Variants in PLCB4 observed in about 807,000 individuals in gnomAD.
PLCB4 encodes the protein phospholipase C beta 4.
A neutral mutation model predicts 178.8 loss-of-function variants in PLCB4; 77 were observed. The observed-to-expected ratio is 0.43, with a 90% confidence interval of 0.36 to 0.52. PLCB4 has a LOEUF of 0.52. Among genes scored for constraint, PLCB4 ranks in the 20% least tolerant of loss-of-function variants. PLCB4 has a pLI of 0.00. For synonymous variants in PLCB4, 496 were observed against 490.8 expected, an observed-to-expected ratio of 1.01 and a Z score of -0.14; for missense variants, 1,024 against 1,453.4, an observed-to-expected ratio of 0.70 and a Z score of 4.80.
At chr20:9,184,967 G>A (rs1166604138) in intron 2 of PLCB4, among the ~76,000 whole-genome samples, 1 of 152,120 alleles carries the variant, frequency 6.6e-6, no homozygotes, top group South Asian at 2.1e-4. Flanking sequence ...CAGCCACCCC[G>A]GCTGGAGTGC....
intron 2 of PLCB4, among the ~76,000 whole-genome samples, chr20:9,167,574 A>G (rs1450604157): frequency 6.6e-6 from 1 of 152,212 alleles, no homozygotes; most frequent in Non-Finnish European, 1.5e-5. Context: ...TGGAAAGTTA[A>G]TGAGCCATTA....
intron 7 of PLCB4, among the ~76,000 whole-genome samples, chr20:9,348,831 T>G (rs569416530): frequency 6.6e-6 from 1 of 152,294 alleles, no homozygotes; most frequent in South Asian, 2.1e-4. Context: ...TCAGTGAAGT[T>G]ATTTCTTTGG....
rs533140398 is a variant in PLCB4 at position 9,478,148 on chromosome 20, A to G, written c.3533-773A>G. 1.7e-4 allele frequency among the ~76,000 whole-genome samples: 26 copies of G among 152,278 alleles called. No homozygotes were observed. In the South Asian group the frequency reaches 5.4e-3, roughly 32 times the overall value. ...GAAATGTACTATTTGATTTTTTCCT[A>G]TGTTTCCAAGCAAGTATTTCTCACC... On this transcript the variant is annotated intron_variant, in intron 39 of 39. Coordinates refer to ENST00000378473, the MANE Select transcript of PLCB4 (RefSeq NM_001377142.1).
At position 9,421,544 on chromosome 20, in the gene PLCB4, C is replaced by T. The variant is rs896508978; in HGVS notation, c.2319+83C>T. On this transcript the variant is annotated intron_variant, in intron 27 of 39. Transcript: ENST00000378473. ...TCACAGACGCTACACGATACAGGGG[C>T]ACTTATTCAACCGACAACATCTTCT... is the stretch of plus-strand genomic sequence containing the variant. The T allele has an allele frequency of 2.8e-6, 3 of 1,060,838 alleles. No individual in the cohort carries two copies. In the African/African-American group the frequency reaches 4.7e-5, roughly 17 times the overall value. 65.7% of individuals were successfully genotyped at this position (1,060,838 alleles called of 1,614,324 possible). A position where few individuals can be genotyped will look rare whatever the true frequency, so the allele number is the denominator to read the frequency against.
intron 3 of PLCB4, among the ~76,000 whole-genome samples, chr20:9,285,412 G>A (rs2094528637): frequency 6.6e-6 from 1 of 151,768 alleles, no homozygotes; most frequent in Non-Finnish European, 1.5e-5. Flanking sequence ...GTAAATAAAG[G>A]CTGATTTACT....
At chr20:9,443,123 AT>A (rs2042211829) in intron 30 of PLCB4, among the ~76,000 whole-genome samples, 2 of 152,132 alleles carry the variant, frequency 1.3e-5, no homozygotes, top group Non-Finnish European at 2.9e-5. Flanking sequence ...GACTTAGTGT[AT>A]TACCCTAGCT....
intron 12 of PLCB4, among the ~76,000 whole-genome samples, chr20:9,375,368 A>G (rs2036582069): frequency 6.6e-6 from 1 of 152,174 alleles, no homozygotes; most frequent in African/African-American, 2.4e-5. Flanking sequence ...AATTACTCCA[A>G]GAGTTTAAAC....
chr20:9,428,318 C>G (rs1242705776), intron 28 of PLCB4, among the ~76,000 whole-genome samples: 1 of 152,118 alleles, frequency 6.6e-6, no homozygotes, highest in African/African-American at 2.4e-5. Context: ...TTCTGTACTA[C>G]AGAAAATATT....
At chr20:9,214,378 T>C (rs2093705700) in intron 2 of PLCB4, among the ~76,000 whole-genome samples, 1 of 152,218 alleles carries the variant, frequency 6.6e-6, no homozygotes. Flanking sequence ...CCTGGCACCG[T>C]GTGTTGAATA....
At position 9,476,449 on chromosome 20, in the gene PLCB4, A is replaced by G. The variant is rs140016511; in HGVS notation, c.3496-268A>G. On this transcript the variant is annotated intron_variant, in intron 38 of 39. Transcript: ENST00000378473. ...TAAAGAGAGGTAAAAGGTTTTGCTT[A>G]AAGGCCAGGTTCTCCACTTACTGCC... 4.0e-3 allele frequency among the ~76,000 whole-genome samples: 612 copies of G among 152,322 alleles called. 2 individuals carry two copies. Among genetic ancestry groups the G allele is most frequent in the Admixed American group, 7.7e-3 (118 of 15,296 alleles).
At chr20:9,253,517 T>A (rs1214609349) in intron 3 of PLCB4, among the ~76,000 whole-genome samples, 1 of 152,166 alleles carries the variant, frequency 6.6e-6, no homozygotes, top group Non-Finnish European at 1.5e-5. Flanking sequence ...GGGTTTCCCT[T>A]CCCTGTTGCC....
chr20:9,317,161 A>G (rs533919663), intron 4 of PLCB4, among the ~76,000 whole-genome samples: 1 of 152,362 alleles, frequency 6.6e-6, no homozygotes, highest in African/African-American at 2.4e-5. Flanking sequence ...TGCCACATAG[A>G]AATGAGTAAC....
chr20:9,331,248 A>C (rs1402738576), intron 4 of PLCB4, among the ~76,000 whole-genome samples: 1 of 152,178 alleles, frequency 6.6e-6, no homozygotes, highest in Admixed American at 6.6e-5. Context: ...ACATTTCTCT[A>C]CGTCCTAATG....
intron 2 of PLCB4, among the ~76,000 whole-genome samples, chr20:9,168,634 C>T (rs186157069): frequency 2.6e-5 from 4 of 152,296 alleles, no homozygotes; most frequent in East Asian, 1.9e-4. Flanking sequence ...CTTTGACTAG[C>T]GAGGAGCTAC....
chr20:9,274,266 C>T (rs1249878314), intron 3 of PLCB4, among the ~76,000 whole-genome samples: 1 of 151,984 alleles, frequency 6.6e-6, no homozygotes, highest in Non-Finnish European at 1.5e-5. Context: ...TTTGACTTTC[C>T]TTTCTAATGC....
chr20:9,387,114 C>G (rs2037740264), intron 14 of PLCB4, among the ~76,000 whole-genome samples: 1 of 151,948 alleles, frequency 6.6e-6, no homozygotes, highest in Admixed American at 6.6e-5. Context: ...CCAGGCTGGT[C>G]TCCAACTCCT....
At chr20:9,119,947 G>A (rs2091902442) in intron 2 of PLCB4, among the ~76,000 whole-genome samples, 1 of 152,180 alleles carries the variant, frequency 6.6e-6, no homozygotes, top group Non-Finnish European at 1.5e-5. Context: ...TAAGAAGCCG[G>A]GAGTGTGTTT....
In PLCB4 at chr20:9,185,480, G is replaced by A. The variant is rs543843187; in HGVS notation, c.-78-31910G>A. Among the ~76,000 whole-genome samples the A allele has an allele frequency of 6.6e-5, 10 of 152,090 alleles. No individual in the cohort carries two copies. The East Asian group carries it at 7.8e-4, about 12-fold the overall frequency. ...TCACTAATTCCCTTGCTGCCATCCTGGCCTGAGCCAGGTTCTCTTTCACCT... is the reference window on the plus strand; with the variant it reads ...TCACTAATTCCCTTGCTGCCATCCTAGCCTGAGCCAGGTTCTCTTTCACCT... On this transcript the variant is annotated intron_variant, in intron 2 of 39. Coordinates refer to ENST00000378473, the MANE Select transcript of PLCB4 (RefSeq NM_001377142.1).
At chr20:9,244,851 C>T (rs2094108188) in intron 3 of PLCB4, among the ~76,000 whole-genome samples, 1 of 152,080 alleles carries the variant, frequency 6.6e-6, no homozygotes, top group Non-Finnish European at 1.5e-5. Context: ...AGTATAATGC[C>T]TACATCATGG....
Sources: gnomAD v4.1 joint callset for allele counts (sites outside exome capture counted in the v4.1 genomes callset) on GRCh38, gnomAD v4.1.1 for gene constraint, MANE v1.5 for transcripts, NCBI Gene and HGNC (gene_info 2026-07-23, HGNC 2026-07-21) for gene names.